Variants in WDR7 observed in about 807,000 individuals in gnomAD.
The protein encoded by WDR7 is WD repeat domain 7.
WDR7 carries 46 observed loss-of-function variants against 169.4 expected under a neutral mutation model. The observed-to-expected ratio is 0.27, with a 90% CI of 0.21 to 0.35. WDR7 has a LOEUF of 0.35. WDR7 is among the 10% of genes least tolerant of loss of function. WDR7 has a pLI of 1.00. For synonymous variants in WDR7, 612 were observed against 666.8 expected (o/e 0.92, Z 1.27); for missense variants, 1,534 against 1,859.3 (o/e 0.83, Z 3.22).
chr18:56,906,318 T>C (rs1387518305), intron 21 of WDR7, among the ~76,000 whole-genome samples: 1 of 152,074 alleles, frequency 6.6e-6, no homozygotes, highest in African/African-American at 2.4e-5. Context: ...AAACTGTAGA[T>C]TAAGCGATTT....
intron 19 of WDR7, among the ~76,000 whole-genome samples, chr18:56,795,264 G>A (rs1370361367): frequency 1.3e-5 from 2 of 152,078 alleles, no homozygotes; most frequent in African/African-American, 4.8e-5. Context: ...CCTAATTACT[G>A]ACATTCTGTG....
At chr18:56,862,227 A>G (rs1366089180) in intron 20 of WDR7, among the ~76,000 whole-genome samples, 1 of 151,872 alleles carries the variant, frequency 6.6e-6, no homozygotes, top group East Asian at 1.9e-4. Flanking sequence ...TAATGTGAAG[A>G]TTTTGATCTG....
At chr18:56,855,675 C>T (rs1179502941) in intron 20 of WDR7, among the ~76,000 whole-genome samples, 1 of 152,110 alleles carries the variant, frequency 6.6e-6, no homozygotes, top group African/African-American at 2.4e-5. Context: ...TGTTCCTGCA[C>T]CAATACCATG....
chr18:56,706,071 C>T (rs2025946384), intron 12 of WDR7, among the ~76,000 whole-genome samples: 1 of 151,922 alleles, frequency 6.6e-6, no homozygotes. Context: ...AGTCTAGCTG[C>T]AATAGGATAC....
downstream of WDR7, chr18:57,032,816 T>C (rs1192815086): frequency 8.2e-4 from 62 of 75,362 alleles, 2 homozygotes; most frequent in African/African-American, 8.9e-3. Context: ...TATATATATA[T>C]ATATATATAT....
At chr18:56,935,388 A>G (rs189104053) in intron 22 of WDR7, among the ~76,000 whole-genome samples, 111 of 152,366 alleles carry the variant, frequency 7.3e-4, no homozygotes, top group African/African-American at 2.7e-3. Flanking sequence ...CCTTTCAGAT[A>G]TACAACCTTA....
intron 13 of WDR7, among the ~76,000 whole-genome samples, chr18:56,727,451 C>G (rs2026484441): frequency 6.6e-6 from 1 of 152,078 alleles, no homozygotes; most frequent in Non-Finnish European, 1.5e-5. Context: ...AACTGACTCA[C>G]AGTTCCGCAT....
chr18:56,954,771 C>T (rs962098193), intron 25 of WDR7, among the ~76,000 whole-genome samples: 6 of 151,988 alleles, frequency 3.9e-5, no homozygotes, highest in African/African-American at 9.7e-5. Context: ...ATTGGGGAAA[C>T]GTTATAGCTA....
At chr18:57,004,320 T>C (rs937312405) in intron 26 of WDR7, among the ~76,000 whole-genome samples, 6 of 152,140 alleles carry the variant, frequency 3.9e-5, no homozygotes, top group Non-Finnish European at 2.9e-5. Flanking sequence ...TTAGAAGTTA[T>C]ATGTCTCTGG....
At chr18:56,668,239 G>T (rs1334449458) in intron 1 of WDR7, among the ~76,000 whole-genome samples, 5 of 152,148 alleles carry the variant, frequency 3.3e-5, no homozygotes, top group Non-Finnish European at 7.4e-5. Flanking sequence ...GCTATTGGTT[G>T]TTTTTTCACC....
At chr18:56,850,046 G>C (rs1168398773) in intron 20 of WDR7, among the ~76,000 whole-genome samples, 1 of 152,118 alleles carries the variant, frequency 6.6e-6, no homozygotes, top group Non-Finnish European at 1.5e-5. Flanking sequence ...GGCCAAGTCT[G>C]TTCCAGTTTT....
chr18:56,733,114 G>T (rs979553123), intron 14 of WDR7, among the ~76,000 whole-genome samples: 20 of 152,180 alleles, frequency 1.3e-4, no homozygotes, highest in African/African-American at 4.6e-4. Flanking sequence ...AGTGATAAAA[G>T]CACCAGATAT....
At chr18:56,969,606 G>A (rs1288611753) in intron 26 of WDR7, among the ~76,000 whole-genome samples, 1 of 152,186 alleles carries the variant, frequency 6.6e-6, no homozygotes, top group Non-Finnish European at 1.5e-5. Context: ...AATAGGTGAA[G>A]CACTCCTGGC....
intron 19 of WDR7, among the ~76,000 whole-genome samples, chr18:56,800,403 T>C (rs1354040679): frequency 6.6e-6 from 1 of 152,222 alleles, no homozygotes; most frequent in Admixed American, 6.5e-5. Flanking sequence ...ACTCAATATA[T>C]TTCATGCATG....
intron 22 of WDR7, among the ~76,000 whole-genome samples, chr18:56,927,177 A>G (rs957012674): frequency 3.9e-5 from 6 of 152,196 alleles, no homozygotes; most frequent in Admixed American, 2.0e-4. Flanking sequence ...GGGGCAACCA[A>G]TCAGGTCCCC....
At chr18:56,714,248 A>T (rs1451637329) in intron 12 of WDR7, among the ~76,000 whole-genome samples, 2 of 152,112 alleles carry the variant, frequency 1.3e-5, no homozygotes, top group African/African-American at 2.4e-5. Context: ...AAAAGCACAG[A>T]ACCATCTTTT....
At chr18:56,820,359 A>AAAAAAACC (rs1044771844) in intron 20 of WDR7, among the ~76,000 whole-genome samples, 1 of 127,464 alleles carries the variant, frequency 7.8e-6, no homozygotes, top group African/African-American at 3.5e-5. Context: ...AAAAAAAAAA[A>AAAAAAACC]AAAAACCACC....
rs537182893 is a variant in WDR7, at chr18:56,725,410, T to C, written c.1775-5973T>C. Among the ~76,000 whole-genome samples the C allele has an allele frequency of 9.2e-5, 14 of 152,052 alleles. No individual in the cohort carries two copies. In the South Asian group the frequency reaches 2.9e-3, roughly 32 times the overall value. ...GCATTTCTCTGATGGCCAGTGATGA[T>C]GAGCATTTTTTCATGTGTCTGTTGG... On this transcript the variant is annotated intron_variant, in intron 13 of 27. Coordinates refer to ENST00000254442, the MANE Select transcript of WDR7 (RefSeq NM_015285.3).
At chr18:56,938,320 T>C (rs1236979080) in intron 23 of WDR7, among the ~76,000 whole-genome samples, 2 of 152,216 alleles carry the variant, frequency 1.3e-5, no homozygotes, top group Non-Finnish European at 2.9e-5. Flanking sequence ...TAACGTCTCA[T>C]ATAATGTTCA....
Sources: gnomAD v4.1 joint callset for allele counts (sites outside exome capture counted in the v4.1 genomes callset) on GRCh38, gnomAD v4.1.1 for gene constraint, MANE v1.5 for transcripts, NCBI Gene and HGNC (gene_info 2026-07-23, HGNC 2026-07-21) for gene names.